The following CECR2 variants were observed in gnomAD, a reference collection of about 807,000 sequenced individuals.
CECR2 encodes the protein chromatin remodeling regulator CECR2.
Under a neutral mutation model 154.5 loss-of-function variants are expected in CECR2, and 30 were observed. The observed-to-expected ratio is 0.19, with a 90% confidence interval of 0.15 to 0.26. The LOEUF (loss-of-function observed/expected upper bound fraction) is 0.26. Ranked by LOEUF, CECR2 falls within the 10% of genes least tolerant of loss-of-function variation. CECR2 has a pLI of 1.00. For missense variants in CECR2, 1,743 were observed against 1,829.3 expected, an observed-to-expected ratio of 0.95 and a Z score of 0.86; for synonymous variants, 725 against 683.7, an observed-to-expected ratio of 1.06 and a Z score of -0.94.
intron 9 of CECR2, among the ~76,000 whole-genome samples, chr22:17,527,657 C>T (rs1186155911): frequency 1.3e-5 from 2 of 151,804 alleles, no homozygotes; most frequent in African/African-American, 2.4e-5. Context: ...ATCCCAGCTA[C>T]TCAGGAGGCT....
At chr22:17,438,139 A>G (rs1326045138) in intron 1 of CECR2, among the ~76,000 whole-genome samples, 1 of 152,234 alleles carries the variant, frequency 6.6e-6, no homozygotes, top group African/African-American at 2.4e-5. Context: ...CAGTAGTATC[A>G]TAATGCATTG....
chr22:17,430,957 G>T (rs1217255995), intron 1 of CECR2, among the ~76,000 whole-genome samples: 1 of 152,152 alleles, frequency 6.6e-6, no homozygotes, highest in Admixed American at 6.5e-5. Flanking sequence ...TCACAACAGT[G>T]CCTCGTCTGT....
chr22:17,507,656 C>G (rs1569129815), intron 7 of CECR2, among the ~76,000 whole-genome samples: 1 of 152,112 alleles, frequency 6.6e-6, no homozygotes, highest in Non-Finnish European at 1.5e-5. Flanking sequence ...AAATTTCAAG[C>G]ATTGATTCTT....
Position 17,524,523 on chromosome 22 carries a change from G to A in CECR2, c.1108+252G>A, listed in dbSNP as rs1163197147. Among the ~76,000 whole-genome samples the A allele has an allele frequency of 8.4e-3, 1,124 of 134,280 alleles. 23 individuals carry two copies. The highest frequency in any genetic ancestry group is 0.031 in the African/African-American group (1,075 of 34,410). 88.1% of individuals were successfully genotyped at this position (134,280 alleles called of 152,430 possible). ...TTCTCCTGCCTCAGCCTCCCAAGTA[G>A]CTGGGACTACAGGTGCCCACCACCA... On this transcript the variant is annotated intron_variant, in intron 9 of 18. Coordinates refer to ENST00000262608, the MANE Select transcript of CECR2 (RefSeq NM_001290047.2).
intron 1 of CECR2, among the ~76,000 whole-genome samples, chr22:17,474,756 C>A (rs891848826): frequency 6.6e-6 from 1 of 152,192 alleles, no homozygotes; most frequent in African/African-American, 2.4e-5. Flanking sequence ...ATGAACCATA[C>A]GGCAAACTTT....
intron 10 of CECR2, 136 bp downstream of exon 10, chr22:17,537,368 C>T: frequency 2.0e-6 from 2 of 1,007,506 alleles, no homozygotes; most frequent in South Asian, 1.5e-5. Context: ...ACAGGGCGGG[C>T]CCTGCACACA....
In CECR2 at chr22:17,499,540, C is replaced by A. The variant is rs1295515953; in HGVS notation, c.536C>A (p.Ser179Tyr). 1.2e-6 allele frequency: 2 copies of A among 1,608,826 alleles called. No individual in the cohort carries two copies. Among genetic ancestry groups the A allele is most frequent in the Non-Finnish European group, 1.7e-6 (2 of 1,177,418 alleles). ...PVQGKSNGELSLSRESEGQKN... is the reference protein window; with the variant it reads ...PVQGKSNGELYLSRESEGQKN... ...CAAGGAAAATCCAATGGAGAACTCT[C>A]TTTGAGCAGGTATGTTCTTCAGTGT... is the stretch of plus-strand genomic sequence containing the variant. Residue 179 changes from serine to tyrosine, a missense_variant, in exon 4 of 19, where the codon TCT becomes TAT. By Grantham distance (144) the Ser-to-Tyr change is moderately radical (BLOSUM62 -2). Transcript: ENST00000262608.
intron 8 of CECR2, 67 bp from the exon 9 acceptor site, chr22:17,524,051 A>G (rs1189790822): frequency 2.4e-6 from 3 of 1,251,040 alleles, no homozygotes; most frequent in Admixed American, 4.5e-5. Context: ...AATTCAATGA[A>G]CTGAGAGCAA....
chr22:17,530,483 C>G lies in CECR2; in HGVS notation c.1108+6212C>G, dbSNP rs566286525. On this transcript the variant is annotated intron_variant, in intron 9 of 18. Transcript: ENST00000262608. ...GGTCAGGAGATTGACACCATCCTGGCCAACATGGTGAAACCCCGTCTCTAC... is the reference window on the plus strand; with the variant it reads ...GGTCAGGAGATTGACACCATCCTGGGCAACATGGTGAAACCCCGTCTCTAC... Among the ~76,000 whole-genome samples the G allele has an allele frequency of 1.1e-4, 17 of 151,938 alleles. No homozygotes were observed. The South Asian group carries it at 3.5e-3, about 32-fold the overall frequency.
chr22:17,491,338 G>A (rs567240335), intron 2 of CECR2, among the ~76,000 whole-genome samples: 1 of 152,158 alleles, frequency 6.6e-6, no homozygotes. Context: ...CCGTGTCTCT[G>A]CATCCTGGTC....
chr22:17,529,249 G>A (rs1017893041), intron 9 of CECR2, among the ~76,000 whole-genome samples: 9 of 152,138 alleles, frequency 5.9e-5, no homozygotes, highest in African/African-American at 1.9e-4. Flanking sequence ...AGGCTGCAGC[G>A]GAGGGGAGCA....
At chr22:17,381,858 AGTT>A (rs2063194917) in intron 1 of CECR2, among the ~76,000 whole-genome samples, 1 of 151,702 alleles carries the variant, frequency 6.6e-6, no homozygotes, top group Admixed American at 6.6e-5. Flanking sequence ...AAGTCAGTGT[AGTT>A]AGCTAGGTCA....
At chr22:17,366,999 A>G (rs1423151776), upstream of CECR2, among the ~76,000 whole-genome samples, 1 of 152,214 alleles carries the variant, frequency 6.6e-6, no homozygotes, top group Non-Finnish European at 1.5e-5. Context: ...GTGCTGGGCC[A>G]CAGAACAGAG....
At chr22:17,496,316 T>C (rs922426602) in intron 2 of CECR2, among the ~76,000 whole-genome samples, 1 of 151,822 alleles carries the variant, frequency 6.6e-6, no homozygotes, top group Non-Finnish European at 1.5e-5. Context: ...GTTAACACAG[T>C]GAAACCCGGT....
chr22:17,380,793 T>C lies in CECR2; in HGVS notation c.126+10884T>C, dbSNP rs531802982. 5.3e-5 allele frequency among the ~76,000 whole-genome samples: 8 copies of C among 152,340 alleles called. No homozygotes were observed. The South Asian group carries it at 1.7e-3, about 32-fold the overall frequency. ...TGGATAAGTTCTTAGAATTGAAAAA[T>C]GCTGTTCAGCAGTCTTGTTGACTGC... On this transcript the variant is annotated intron_variant, in intron 1 of 18. Coordinates refer to ENST00000262608, the MANE Select transcript of CECR2 (RefSeq NM_001290047.2).
At chr22:17,502,935 G>A (rs949260024) in intron 5 of CECR2, 147 bp from the exon 6 acceptor site, 1 of 635,808 alleles carries the variant, frequency 1.6e-6, no homozygotes, top group East Asian at 2.8e-5. Context: ...CATTTATTCA[G>A]CGTTCCGCCT....
intron 8 of CECR2, among the ~76,000 whole-genome samples, chr22:17,523,592 T>C (rs371829642): frequency 6.6e-6 from 1 of 150,910 alleles, no homozygotes; most frequent in Non-Finnish European, 1.5e-5. Flanking sequence ...CCATCTCAAG[T>C]GAAAATACAA....
chr22:17,461,104 T>C (rs2054930948), intron 1 of CECR2, among the ~76,000 whole-genome samples: 1 of 152,254 alleles, frequency 6.6e-6, no homozygotes, highest in Non-Finnish European at 1.5e-5. Context: ...CCGGTCGTGC[T>C]GCTCTGCCAG....
chr22:17,525,181 A>C (rs577198766), intron 9 of CECR2, among the ~76,000 whole-genome samples: 1 of 147,832 alleles, frequency 6.8e-6, no homozygotes, highest in Admixed American at 6.8e-5. Context: ...GCTACTCAGG[A>C]GGCTGAGGCA....
Sources: gnomAD v4.1 joint callset for allele counts (sites outside exome capture counted in the v4.1 genomes callset) on GRCh38, gnomAD v4.1.1 for gene constraint, MANE v1.5 for transcripts, NCBI Gene and HGNC (gene_info 2026-07-23, HGNC 2026-07-21) for gene names.